FREM2: variants seen among roughly 807,000 people sequenced by gnomAD.
FREM2 encodes FRAS1-related extracellular matrix protein 2.
Under a neutral mutation model 219.9 loss-of-function variants are expected in FREM2, and 119 were observed. The ratio of observed to expected loss-of-function variants is 0.54; its 90% CI spans 0.47 to 0.63. The LOEUF is 0.63. Among genes scored for constraint, FREM2 ranks in the 30% least tolerant of loss-of-function variants. FREM2 has a pLI of 0.00. For missense variants in FREM2, 4,030 were observed against 3,993.6 expected (o/e 1.01, Z -0.25); for synonymous variants, 1,562 against 1,522.8 (o/e 1.03, Z -0.60).
At chr13:38,762,966 T>G (rs887867206) in intron 2 of FREM2, among the ~76,000 whole-genome samples, 1 of 152,176 alleles carries the variant, frequency 6.6e-6, no homozygotes, top group Non-Finnish European at 1.5e-5. Context: ...TGATACACTA[T>G]AAGATAGTTT....
rs1390896050 is a variant in FREM2 at position 38,885,733 on chromosome 13, G to A, written c.*4946G>A. ...AAGAACTTCCTGCAAAAGATCAAAA[G>A]CATCATACTAAATAAAATGATGACA... On this transcript the variant is annotated 3_prime_UTR_variant, in exon 24 of 24. Transcript: ENST00000280481. 6.6e-6 allele frequency: 1 copy of A among 152,048 alleles called. No homozygotes were observed. Among genetic ancestry groups the A allele is most frequent in the Non-Finnish European group, 1.5e-5 (1 of 67,984 alleles). 9.4% of individuals were successfully genotyped at this position (152,048 alleles called of 1,614,324 possible). A position where few individuals can be genotyped will look rare whatever the true frequency, so the allele number is the denominator to read the frequency against.
At chr13:38,867,192 C>A (rs896739175) in intron 16 of FREM2, among the ~76,000 whole-genome samples, 5 of 152,146 alleles carry the variant, frequency 3.3e-5, no homozygotes, top group African/African-American at 1.2e-4. Context: ...GCTTATGTTC[C>A]ATAATACTAG....
At chr13:38,768,619 C>G (rs917130331) in intron 3 of FREM2, among the ~76,000 whole-genome samples, 4 of 152,144 alleles carry the variant, frequency 2.6e-5, no homozygotes, top group African/African-American at 7.2e-5. Flanking sequence ...TTACCCACTT[C>G]TCTGAAAATG....
chr13:38,872,598 T>C (rs1165038612), intron 16 of FREM2, 144 bp from the exon 17 acceptor site: 5 of 685,946 alleles, frequency 7.3e-6, no homozygotes, highest in Non-Finnish European at 1.3e-5. Flanking sequence ...GAGGGGAAAA[T>C]AGTGTTATAA....
intron 6 of FREM2, among the ~76,000 whole-genome samples, chr13:38,822,291 A>G (rs1876090050): frequency 6.6e-6 from 1 of 151,348 alleles, no homozygotes; most frequent in African/African-American, 2.4e-5. Context: ...CAGGAAGTAT[A>G]CTACAGAGCT....
intron 6 of FREM2, among the ~76,000 whole-genome samples, chr13:38,811,431 C>CAGAAAAACTTTTTACT (rs1362865405): frequency 3.3e-5 from 5 of 151,944 alleles, no homozygotes; most frequent in Non-Finnish European, 5.9e-5. Context: ...TTGATGTAAG[C>CAGAAAAACTTTTTACT]ATTTATAGCT....
chr13:38,838,154 G>C (rs1235336362), intron 6 of FREM2, among the ~76,000 whole-genome samples: 1 of 152,086 alleles, frequency 6.6e-6, no homozygotes, highest in African/African-American at 2.4e-5. Flanking sequence ...AGGCAGGCCT[G>C]GTCATGACAA....
At chr13:38,832,321 T>A (rs1341164891) in intron 6 of FREM2, among the ~76,000 whole-genome samples, 2 of 152,160 alleles carry the variant, frequency 1.3e-5, no homozygotes, top group Non-Finnish European at 2.9e-5. Flanking sequence ...TATTTAAAAC[T>A]AATTTTTTAA....
At position 38,692,503 on chromosome 13, in the gene FREM2, C is replaced by G. The variant is rs1452647317; in HGVS notation, c.5159C>G (p.Thr1720Ser). The change falls in exon 1 of 24, where the codon ACT (threonine) becomes AGT (serine). Residue 1720 changes from threonine to serine, a missense_variant. Physicochemically the swap from Thr to Ser is moderately conservative, Grantham distance 58. Coordinates refer to ENST00000280481, the MANE Select transcript of FREM2 (RefSeq NM_207361.6). ...LNLDKGNHSI[T>S]QFTQADIDDM... The stretch of plus-strand genomic sequence containing the variant: ...CTGGACAAAGGCAACCACAGCATCA[C>G]TCAGTTCACACAAGGTATGTTTCAT... 6.2e-7 allele frequency: 1 copy of G among 1,611,336 alleles called. No individual in the cohort carries two copies. The highest frequency in any genetic ancestry group is 1.3e-5 in the African/African-American group (1 of 75,054).
intron 6 of FREM2, among the ~76,000 whole-genome samples, chr13:38,794,656 GT>G (rs995789153): frequency 2.3e-4 from 34 of 149,752 alleles, no homozygotes; most frequent in African/African-American, 7.4e-4. Flanking sequence ...TGTATTCTTC[GT>G]TTTTTTTTAA....
intron 16 of FREM2, among the ~76,000 whole-genome samples, chr13:38,869,560 A>C (rs1324133498): frequency 6.6e-6 from 1 of 152,228 alleles, no homozygotes; most frequent in East Asian, 1.9e-4. Flanking sequence ...AAAAGTTAAG[A>C]ATTTTACTTG....
In FREM2 at chr13:38,864,271, A is replaced by T. The variant is rs753671776; in HGVS notation, c.7652-4A>T. The stretch of plus-strand genomic sequence containing the variant: ...CTGTTAACAATGATTTCGATTTATC[A>T]TAGGCATGCTCCCCGTGATCTCCAC... On this transcript the variant is annotated splice_region_variant and splice_polypyrimidine_tract_variant and intron_variant, in intron 15 of 23. Transcript: ENST00000280481. 1.9e-6 allele frequency: 3 copies of T among 1,609,728 alleles called. No homozygotes were observed. Among genetic ancestry groups the T allele is most frequent in the African/African-American group, 2.7e-5 (2 of 74,418 alleles).
intron 6 of FREM2, among the ~76,000 whole-genome samples, chr13:38,840,644 A>ATATATATATATATATTTG (rs1184958401): frequency 7.4e-6 from 1 of 134,268 alleles, no homozygotes; most frequent in Admixed American, 7.3e-5. Context: ...ATATATATAT[A>ATATATATATATATATTTG]TGTGTATGTA....
intron 6 of FREM2, among the ~76,000 whole-genome samples, chr13:38,808,815 G>A (rs1566149841): frequency 6.6e-6 from 1 of 151,946 alleles, no homozygotes; most frequent in Non-Finnish European, 1.5e-5. Context: ...GAAACAAAGT[G>A]AGAGCACATG....
chr13:38,758,303 T>A (rs1022041964), intron 2 of FREM2, among the ~76,000 whole-genome samples: 1 of 152,224 alleles, frequency 6.6e-6, no homozygotes, highest in Admixed American at 6.5e-5. Flanking sequence ...TCTCTTCTTA[T>A]ACCTAATCTT....
At chr13:38,761,244 G>A (rs1873212954) in intron 2 of FREM2, among the ~76,000 whole-genome samples, 1 of 152,140 alleles carries the variant, frequency 6.6e-6, no homozygotes, top group African/African-American at 2.4e-5. Flanking sequence ...AGGATGTGAA[G>A]TCATAGGTGT....
At position 38,883,721 on chromosome 13, in the gene FREM2, G is replaced by A. The variant is rs1305806829; in HGVS notation, c.*2934G>A. Reference sequence around the variant, plus strand: ...AATGCAGCTCTTTATTTGGACTAAAGTGTCAGGATATGCATTAGATTCTCT... The same window carrying A: ...AATGCAGCTCTTTATTTGGACTAAAATGTCAGGATATGCATTAGATTCTCT... On this transcript the variant is annotated 3_prime_UTR_variant, in exon 24 of 24. Transcript: ENST00000280481. 1.3e-5 allele frequency: 2 copies of A among 152,108 alleles called. No homozygotes were observed. Among genetic ancestry groups the A allele is most frequent in the Non-Finnish European group, 2.9e-5 (2 of 68,032 alleles). The allele number at this position is 152,108 out of a possible 1,614,324, so 9.4% of individuals were successfully genotyped here.
At chr13:38,701,933 C>T (rs1351193219) in intron 2 of FREM2, among the ~76,000 whole-genome samples, 1 of 152,118 alleles carries the variant, frequency 6.6e-6, no homozygotes, top group Admixed American at 6.6e-5. Context: ...CTTTGTACCT[C>T]AGTGCCAAGG....
intron 4 of FREM2, chr13:38,779,434 G>T (rs958009645): frequency 6.6e-6 from 1 of 151,620 alleles, no homozygotes; most frequent in Non-Finnish European, 1.5e-5. Context: ...GTACTCACTT[G>T]GGCAGGTCAC....
Sources: gnomAD v4.1 joint callset for allele counts (sites outside exome capture counted in the v4.1 genomes callset) on GRCh38, gnomAD v4.1.1 for gene constraint, MANE v1.5 for transcripts, NCBI Gene and HGNC (gene_info 2026-07-23, HGNC 2026-07-21) for gene names.